The following STS variants were observed in gnomAD, a reference collection of about 807,000 sequenced individuals.
STS encodes steryl-sulfatase.
A neutral mutation model predicts 26.8 loss-of-function variants in STS; 7 were observed. That is an observed-to-expected ratio of 0.26 (90% CI 0.15 to 0.49). The LOEUF (loss-of-function observed/expected upper bound fraction) is 0.49, where lower values mean the gene tolerates loss of function less well. STS is among the 20% of genes least tolerant of loss of function. The pLI is 0.98. For synonymous variants in STS, 199 were observed against 189.4 expected (o/e 1.05, Z -0.42); for missense variants, 434 against 465.6 (o/e 0.93, Z 0.63).
At chrX:7,308,617 T>A (rs1926330137) in intron 8 of STS, among the ~76,000 whole-genome samples, 1 of 112,178 alleles carries the variant, frequency 8.9e-6, no homozygotes, top group Non-Finnish European at 1.9e-5. Context: ...ATTTCTTTTT[T>A]TTTTAAAGAA....
intron 8 of STS, among the ~76,000 whole-genome samples, chrX:7,324,930 C>CCCAGGCT (rs1233965493): frequency 3.6e-5 from 4 of 111,534 alleles, no homozygotes; most frequent in African/African-American, 1.3e-4. Context: ...TACCCATTTC[C>CCCAGGCT]CCAGGCTCCA....
At chrX:7,192,881 T>C (rs1277921069) in intron 2 of STS, among the ~76,000 whole-genome samples, 3 of 112,247 alleles carry the variant, frequency 2.7e-5, no homozygotes, top group Non-Finnish European at 5.6e-5. Flanking sequence ...CCGCTAACCA[T>C]CCCACGGTGC....
chrX:7,210,404 T>TAC (rs1189352546), intron 2 of STS, among the ~76,000 whole-genome samples: 2 of 109,323 alleles, frequency 1.8e-5, no homozygotes, highest in Admixed American at 2.0e-4. Flanking sequence ...TATATATCTA[T>TAC]ACACACACAC....
chrX:7,324,868 C>G (rs1272128106), intron 8 of STS, among the ~76,000 whole-genome samples: 2 of 111,816 alleles, frequency 1.8e-5, no homozygotes, highest in Non-Finnish European at 3.8e-5. Flanking sequence ...ATCTCCTCAT[C>G]TCAAAATCCT....
intron 2 of STS, chrX:7,219,791 T>C: frequency 1.1e-6 from 1 of 913,925 alleles, no homozygotes; most frequent in Non-Finnish European, 1.6e-6. Context: ...TCTCCCAACA[T>C]GTGTTGTCTT....
intron 2 of STS, among the ~76,000 whole-genome samples, chrX:7,225,318 A>T (rs1032560195): frequency 8.9e-6 from 1 of 111,771 alleles, no homozygotes; most frequent in African/African-American, 3.3e-5. Flanking sequence ...AAGGACTAAC[A>T]GGCTCAGTGC....
chrX:7,303,820 G>GT (rs1926089846), intron 7 of STS, among the ~76,000 whole-genome samples: 1 of 111,300 alleles, frequency 9.0e-6, no homozygotes, highest in South Asian at 3.8e-4. Flanking sequence ...ACTTTCCTCT[G>GT]TTTTTTTCTT....
intron 2 of STS, among the ~76,000 whole-genome samples, chrX:7,240,410 C>T (rs919488399): frequency 9.7e-6 from 1 of 102,669 alleles, no homozygotes; most frequent in Non-Finnish European, 2.0e-5. Flanking sequence ...CTGAACTAAC[C>T]CTTTTACCAC....
At chrX:7,204,702 C>G (rs1281194949) in intron 2 of STS, among the ~76,000 whole-genome samples, 1 of 102,372 alleles carries the variant, frequency 9.8e-6, no homozygotes, top group Non-Finnish European at 2.0e-5. Context: ...CTCTCTCCTT[C>G]TTTCATTCCT....
intron 10 of STS, among the ~76,000 whole-genome samples, chrX:7,346,609 A>C (rs1369613794): frequency 1.8e-5 from 2 of 111,817 alleles, no homozygotes; most frequent in African/African-American, 6.5e-5. Flanking sequence ...TTCAGTGGTG[A>C]GGGAGAAACA....
At chrX:7,286,387 A>G (rs1313352469) in intron 7 of STS, among the ~76,000 whole-genome samples, 2 of 111,301 alleles carry the variant, frequency 1.8e-5, no homozygotes, top group Non-Finnish European at 3.8e-5. Flanking sequence ...ATGACCTCTG[A>G]TCGTGTCATT....
At chrX:7,175,179 TAAAAAAA>T (rs143220502) in intron 1 of STS, among the ~76,000 whole-genome samples, 4 of 42,087 alleles carry the variant, frequency 9.5e-5, no homozygotes, top group East Asian at 9.4e-4. Context: ...TCTGAGCTGG[TAAAAAAA>T]AAAAAAAAAA....
At chrX:7,234,143 G>C (rs1922204149) in intron 2 of STS, among the ~76,000 whole-genome samples, 1 of 112,225 alleles carries the variant, frequency 8.9e-6, no homozygotes, top group African/African-American at 3.2e-5. Flanking sequence ...TGGAAAGTCA[G>C]ATAAGATGGG....
chrX:7,321,875 A>G (rs1927048465), intron 8 of STS, among the ~76,000 whole-genome samples: 1 of 111,717 alleles, frequency 9.0e-6, no homozygotes, highest in African/African-American at 3.3e-5. Flanking sequence ...AGCAGTGTTT[A>G]TTCCCCCAGC....
rs758443522 is a variant in STS at position 7,335,014 on chromosome X, A to G, written c.1363+907A>G. Among the ~76,000 whole-genome samples, 18 of 112,398 alleles carry G rather than the reference A, an allele frequency of 1.6e-4. No homozygotes were observed. In the South Asian group the frequency reaches 6.3e-3, roughly 39 times the overall value. ...TCTTAATCCAGTCTATCATTGTTGG[A>G]CAATTGGGTTGGTTCCAAGTCTTTG... On this transcript the variant is annotated intron_variant, in intron 10 of 10. Coordinates refer to ENST00000674429, the MANE Select transcript of STS (RefSeq NM_001320752.2).
chrX:7,214,495 G>A (rs1418620979), intron 2 of STS, among the ~76,000 whole-genome samples: 1 of 111,651 alleles, frequency 9.0e-6, no homozygotes, highest in African/African-American at 3.3e-5. Context: ...CTTCCCTTGT[G>A]GAATGAAAGG....
At chrX:7,191,906 T>C (rs1324405906) in intron 2 of STS, among the ~76,000 whole-genome samples, 1 of 112,100 alleles carries the variant, frequency 8.9e-6, no homozygotes, top group Non-Finnish European at 1.9e-5. Flanking sequence ...GGGAGGTGAG[T>C]GTGCATGGTG....
chrX:7,211,601 C>T (rs1377477035), intron 2 of STS, among the ~76,000 whole-genome samples: 1 of 112,169 alleles, frequency 8.9e-6, no homozygotes, highest in Non-Finnish European at 1.9e-5. Context: ...CTTGGCCTTG[C>T]CCCTTGTAGA....
At chrX:7,238,548 G>A (rs1475639216) in intron 2 of STS, among the ~76,000 whole-genome samples, 1 of 111,246 alleles carries the variant, frequency 9.0e-6, no homozygotes, top group African/African-American at 3.3e-5. Flanking sequence ...TAAGGGGAAA[G>A]CCAGGAGTGG....
Sources: allele counts gnomAD v4.1 joint callset (sites outside exome capture counted in the v4.1 genomes callset), GRCh38; gene constraint gnomAD v4.1.1; transcripts MANE v1.5; gene names NCBI Gene and HGNC (gene_info 2026-07-23, HGNC 2026-07-21).